GOLM1: variants seen among roughly 807,000 people sequenced by gnomAD.
The protein encoded by GOLM1 is epididymis luminal protein 46.
Under a neutral mutation model 50.5 loss-of-function variants are expected in GOLM1, and 31 were observed. That is an observed-to-expected ratio of 0.61 (90% CI 0.46 to 0.83). GOLM1 has a LOEUF of 0.83. Ranked by LOEUF, GOLM1 falls within the 40% of genes least tolerant of loss-of-function variation. The pLI is 0.00. For missense variants in GOLM1, 491 were observed against 501.3 expected (o/e 0.98, Z 0.20); for synonymous variants, 178 against 192.8 (o/e 0.92, Z 0.64).
intron 3 of GOLM1, 70 bp downstream of exon 3, chr9:86,077,342 C>T (rs1834649353): frequency 7.8e-7 from 1 of 1,287,184 alleles, no homozygotes; most frequent in Admixed American, 1.7e-5. Flanking sequence ...CATCCTCCCG[C>T]CAAGAAGAAA....
At chr9:86,086,386 CA>C (rs916263628) in intron 1 of GOLM1, among the ~76,000 whole-genome samples, 1 of 151,996 alleles carries the variant, frequency 6.6e-6, no homozygotes, top group Non-Finnish European at 1.5e-5. Context: ...GGACAGATTA[CA>C]AAAGTTTTCT....
At chr9:86,064,850 G>T (rs115780524) in intron 3 of GOLM1, among the ~76,000 whole-genome samples, 1 of 152,120 alleles carries the variant, frequency 6.6e-6, no homozygotes, top group Non-Finnish European at 1.5e-5. Context: ...CCTCCACGTC[G>T]GTTCCACACG....
chr9:86,053,668 C>CCACACACAACCACTCCATACCAA (rs1833883852), intron 3 of GOLM1, among the ~76,000 whole-genome samples: 6 of 146,460 alleles, frequency 4.1e-5, no homozygotes, highest in East Asian at 2.0e-4. Context: ...CCACTCCACA[C>CCACACACAACCACTCCATACCAA]ACGGCACACC....
intron 6 of GOLM1, among the ~76,000 whole-genome samples, chr9:86,039,940 C>G (rs939990739): frequency 8.1e-4 from 122 of 150,452 alleles, no homozygotes; most frequent in African/African-American, 2.9e-3. Flanking sequence ...TGCACTCTGG[C>G]CTGGGTGAGA....
intron 2 of GOLM1, among the ~76,000 whole-genome samples, chr9:86,078,901 C>T (rs1231653628): frequency 6.6e-6 from 1 of 152,190 alleles, no homozygotes; most frequent in Non-Finnish European, 1.5e-5. Context: ...GCTGTCTTCC[C>T]AGAACCACCC....
chr9:86,092,892 GGTGA>G (rs762878111), intron 1 of GOLM1, among the ~76,000 whole-genome samples: 19 of 152,106 alleles, frequency 1.2e-4, no homozygotes, highest in Non-Finnish European at 2.1e-4. Flanking sequence ...GATGGAAGTG[GGTGA>G]GTGATATACT....
chr9:86,033,848 A>G (rs1398233803), intron 8 of GOLM1, among the ~76,000 whole-genome samples: 4 of 152,140 alleles, frequency 2.6e-5, no homozygotes, highest in Non-Finnish European at 4.4e-5. Context: ...CCATTACTCT[A>G]TTCTTCCCTG....
intron 1 of GOLM1, among the ~76,000 whole-genome samples, chr9:86,092,801 T>A (rs1267601709): frequency 6.6e-6 from 1 of 152,214 alleles, no homozygotes; most frequent in Non-Finnish European, 1.5e-5. Flanking sequence ...TGGCAGGAAC[T>A]CACAGGCAGA....
At chr9:86,044,949 A>G (rs1833486172) in intron 5 of GOLM1, among the ~76,000 whole-genome samples, 1 of 151,222 alleles carries the variant, frequency 6.6e-6, no homozygotes, top group Admixed American at 6.6e-5. Context: ...GTGAAACTCC[A>G]TCTCAAAAAA....
At chr9:86,031,764 G>C (rs1832991141) in intron 9 of GOLM1, among the ~76,000 whole-genome samples, 1 of 151,526 alleles carries the variant, frequency 6.6e-6, no homozygotes, top group Non-Finnish European at 1.5e-5. Flanking sequence ...CCCAGCTGAA[G>C]TGTCTATTTC....
At chr9:86,070,380 T>C (rs1834414332) in intron 3 of GOLM1, among the ~76,000 whole-genome samples, 1 of 151,500 alleles carries the variant, frequency 6.6e-6, no homozygotes, top group African/African-American at 2.4e-5. Flanking sequence ...AAGACCAGCC[T>C]GGCCAGGATG....
chr9:86,088,572 G>GTTT (rs71505776), intron 1 of GOLM1, among the ~76,000 whole-genome samples: 1 of 108,818 alleles, frequency 9.2e-6, no homozygotes, highest in Non-Finnish European at 1.7e-5. Context: ...TCCTGGTTTT[G>GTTT]TTTTTTTTTT....
chr9:86,065,549 A>G (rs1834284162), intron 3 of GOLM1, among the ~76,000 whole-genome samples: 1 of 152,156 alleles, frequency 6.6e-6, no homozygotes, highest in South Asian at 2.1e-4. Context: ...GAACCCTCTG[A>G]GAATTGCATC....
chr9:86,061,634 T>G (rs1246290292), intron 3 of GOLM1, among the ~76,000 whole-genome samples: 2 of 152,150 alleles, frequency 1.3e-5, no homozygotes, highest in African/African-American at 4.8e-5. Context: ...GACGCTTCGT[T>G]TAACTTCTCT....
intron 6 of GOLM1, 110 bp from the exon 7 acceptor site, chr9:86,036,617 C>T: frequency 9.0e-7 from 1 of 1,113,228 alleles, no homozygotes; most frequent in Non-Finnish European, 1.3e-6. Flanking sequence ...CATATCCTTC[C>T]AACCAAGACC....
In GOLM1 at chr9:86,027,735, C is replaced by G. The variant is rs1832829916; in HGVS notation, c.*82G>C. 2 of 1,526,136 alleles carry G rather than the reference C, an allele frequency of 1.3e-6. No individual in the cohort carries two copies. The highest frequency in any genetic ancestry group is 2.2e-5 in the Admixed American group (1 of 44,764). 94.5% of individuals were successfully genotyped at this position (1,526,136 alleles called of 1,614,324 possible). A position where few individuals can be genotyped will look rare whatever the true frequency, so the allele number is the denominator to read the frequency against. On this transcript the variant is annotated 3_prime_UTR_variant, in exon 10 of 10. Transcript: ENST00000388712. ...TGTACATTTTATTTAGTACATTTCA[C>G]AGTTTTCAGTATTCAGTCCCTCATG...
At chr9:86,057,619 G>A (rs1233566617) in intron 3 of GOLM1, among the ~76,000 whole-genome samples, 2 of 148,812 alleles carry the variant, frequency 1.3e-5, no homozygotes, top group South Asian at 2.1e-4. Context: ...TGGGGCCTGG[G>A]CCACCCTTTA....
chr9:86,037,453 A>AAAAAAG (rs1554782109), intron 6 of GOLM1, among the ~76,000 whole-genome samples: 86 of 151,880 alleles, frequency 5.7e-4, no homozygotes, highest in African/African-American at 2.0e-3. Context: ...AAAAAAAAAA[A>AAAAAAG]AAAAAGAAAA....
intron 4 of GOLM1, among the ~76,000 whole-genome samples, chr9:86,048,533 CTGT>C (rs1170752105): frequency 6.6e-6 from 1 of 152,182 alleles, no homozygotes; most frequent in African/African-American, 2.4e-5. Context: ...TCTCCAGCAC[CTGT>C]TGTTTCCTGA....
Sources: allele counts gnomAD v4.1 joint callset (sites outside exome capture counted in the v4.1 genomes callset), GRCh38; gene constraint gnomAD v4.1.1; transcripts MANE v1.5; gene names NCBI Gene and HGNC (gene_info 2026-07-23, HGNC 2026-07-21).